ALK: variants seen among roughly 807,000 people sequenced by gnomAD.
ALK encodes ALK tyrosine kinase receptor.
ALK carries 74 observed loss-of-function variants against 163.1 expected under a neutral mutation model. That is an observed-to-expected ratio of 0.45 (90% CI 0.38 to 0.55). The LOEUF is 0.55. Ranked by LOEUF, ALK falls within the 20% of genes least tolerant of loss-of-function variation. The probability of loss-of-function intolerance (pLI) is 0.00; values close to 1 mark genes in which losing one functional copy is unlikely to be tolerated. For synonymous variants in ALK, 960 were observed against 843.2 expected (o/e 1.14, Z -2.40); for missense variants, 2,063 against 2,105.3 (o/e 0.98, Z 0.39).
At chr2:29,244,816 C>A (rs562171985) in intron 12 of ALK, among the ~76,000 whole-genome samples, 1 of 152,348 alleles carries the variant, frequency 6.6e-6, no homozygotes, top group African/African-American at 2.4e-5. Flanking sequence ...ATTAATCATG[C>A]CTGTGATATC....
chr2:29,317,834 T>C (rs1666879735), intron 8 of ALK, among the ~76,000 whole-genome samples: 1 of 152,094 alleles, frequency 6.6e-6, no homozygotes, highest in Non-Finnish European at 1.5e-5. Flanking sequence ...ACCAATGAGA[T>C]AACAGCATCA....
chr2:29,615,417 T>C (rs1675813857), intron 3 of ALK, among the ~76,000 whole-genome samples: 1 of 152,218 alleles, frequency 6.6e-6, no homozygotes, highest in Non-Finnish European at 1.5e-5. Context: ...TGGTTTAACC[T>C]GTCTGTGCTG....
At chr2:29,910,015 A>G (rs1302848445) in intron 1 of ALK, among the ~76,000 whole-genome samples, 1 of 152,058 alleles carries the variant, frequency 6.6e-6, no homozygotes, top group Non-Finnish European at 1.5e-5. Context: ...AGGTATGCAA[A>G]GAAGCAGGAA....
intron 5 of ALK, among the ~76,000 whole-genome samples, chr2:29,382,840 T>C (rs187449404): frequency 6.6e-6 from 1 of 152,320 alleles, no homozygotes; most frequent in East Asian, 1.9e-4. Flanking sequence ...AAACCAGTTT[T>C]GATTAAACAA....
In ALK at chr2:29,920,683, C is replaced by A. The variant is rs2148444267; in HGVS notation, c.-24G>T. The A allele has an allele frequency of 6.5e-7, 1 of 1,528,628 alleles. No individual in the cohort carries two copies. Among genetic ancestry groups the A allele is most frequent in the Non-Finnish European group, 8.8e-7 (1 of 1,142,322 alleles). 94.7% of individuals were successfully genotyped at this position (1,528,628 alleles called of 1,614,324 possible). ...ATCCCGCCGGAGGAGGCCGTTTACA[C>A]TGCTCTCCGGGCCCAGCCTCACCCT... On this transcript the variant is annotated 5_prime_UTR_variant, in exon 1 of 29. Transcript: ENST00000389048.
intron 3 of ALK, among the ~76,000 whole-genome samples, chr2:29,619,563 T>C (rs1221670335): frequency 2.6e-5 from 4 of 152,076 alleles, no homozygotes; most frequent in Non-Finnish European, 1.5e-5. Context: ...ACTGACGACT[T>C]CCCAAATAGC....
At chr2:29,406,514 T>C (rs545457138) in intron 4 of ALK, among the ~76,000 whole-genome samples, 3 of 152,284 alleles carry the variant, frequency 2.0e-5, no homozygotes, top group East Asian at 1.9e-4. Context: ...TAGAAATGAA[T>C]AGAAGCTGAC....
In ALK at chr2:29,404,280, C is replaced by T. The variant is rs562129004; in HGVS notation, c.1155-20421G>A. On this transcript the variant is annotated intron_variant, in intron 4 of 28. Coordinates refer to ENST00000389048, the MANE Select transcript of ALK (RefSeq NM_004304.5). ...GATCATGCCACTGAACTCCAGCCTG[C>T]GTGACCCACGGAGCAAGACTCCGTC... Among the ~76,000 whole-genome samples, 5 of 141,258 alleles carry T rather than the reference C, an allele frequency of 3.5e-5. No individual in the cohort carries two copies. The East Asian group carries it at 6.6e-4, about 19-fold the overall frequency. The allele number at this position is 141,258 out of a possible 152,430, so 92.7% of individuals were successfully genotyped here. A position where few individuals can be genotyped will look rare whatever the true frequency, so the allele number is the denominator to read the frequency against.
chr2:29,714,837 GC>G (rs1679202254), intron 2 of ALK, among the ~76,000 whole-genome samples: 1 of 152,150 alleles, frequency 6.6e-6, no homozygotes, highest in South Asian at 2.1e-4. Context: ...AACTCAGCTG[GC>G]CTCTTTGATT....
chr2:29,329,542 G>A (rs1333587571), intron 5 of ALK, among the ~76,000 whole-genome samples: 1 of 152,184 alleles, frequency 6.6e-6, no homozygotes, highest in African/African-American at 2.4e-5. Context: ...GTCATAGCTG[G>A]TGCTAAACCC....
rs183033301 is a variant in ALK at position 29,595,098 on chromosome 2, T to C, written c.953-62982A>G. 8.8e-3 allele frequency among the ~76,000 whole-genome samples: 1,345 copies of C among 152,304 alleles called. 14 individuals carry two copies. Among genetic ancestry groups the C allele is most frequent in the South Asian group, 0.048 (231 of 4,824 alleles). ...AATCCTCCTCCCAGATGTCTTTTCA[T>C]TGTGATGCCAAGTAGACGAATATTT... On this transcript the variant is annotated intron_variant, in intron 3 of 28. Transcript: ENST00000389048.
At chr2:29,196,413 G>C (rs1669024253) in intron 28 of ALK, among the ~76,000 whole-genome samples, 2 of 152,058 alleles carry the variant, frequency 1.3e-5, no homozygotes, top group Admixed American at 1.3e-4. Flanking sequence ...TCTCCAGCCA[G>C]GCTCTAAACT....
chr2:29,600,288 A>C (rs772467120), intron 3 of ALK, among the ~76,000 whole-genome samples: 2 of 152,236 alleles, frequency 1.3e-5, no homozygotes, highest in Non-Finnish European at 2.9e-5. Context: ...CAGAAGTCAC[A>C]TGGGGAAACA....
intron 22 of ALK, chr2:29,221,079 G>A (rs541275701): frequency 7.6e-5 from 48 of 634,176 alleles, no homozygotes; most frequent in African/African-American, 7.2e-4. Flanking sequence ...GGAGCTGTGA[G>A]GATGTTGCTC....
intron 11 of ALK, among the ~76,000 whole-genome samples, chr2:29,256,127 G>A (rs1323579568): frequency 6.6e-6 from 1 of 152,224 alleles, no homozygotes; most frequent in African/African-American, 2.4e-5. Flanking sequence ...AAAGTGAGCA[G>A]GTCTAAAACC....
rs545071919 is a variant in ALK at position 29,728,163 on chromosome 2, G to T, written c.668-10466C>A. On this transcript the variant is annotated intron_variant, in intron 1 of 28. Transcript: ENST00000389048. ...AGAAAGAAACCAATACTTCATGTGT[G>T]CCTATTACACACGGTGCCCAGCACC... Among the ~76,000 whole-genome samples, 58 of 152,266 alleles carry T rather than the reference G, an allele frequency of 3.8e-4. 1 individual carries two copies. The highest frequency in any genetic ancestry group is 1.1e-3 in the African/African-American group (45 of 41,564).
chr2:29,908,895 C>T (rs778016851), intron 1 of ALK, among the ~76,000 whole-genome samples: 9 of 152,192 alleles, frequency 5.9e-5, no homozygotes, highest in African/African-American at 1.9e-4. Flanking sequence ...AGTTTGTGAA[C>T]TCCTGGGAGG....
chr2:29,288,967 T>TA (rs1665941544), intron 9 of ALK, among the ~76,000 whole-genome samples: 7 of 23,940 alleles, frequency 2.9e-4, no homozygotes, highest in Admixed American at 2.7e-3. Flanking sequence ...AATAAATAAA[T>TA]AAATAAATAA....
chr2:29,891,860 A>G (rs907936414), intron 1 of ALK, among the ~76,000 whole-genome samples: 3 of 152,186 alleles, frequency 2.0e-5, no homozygotes, highest in African/African-American at 7.2e-5. Flanking sequence ...CCTGACATCC[A>G]GCTTCTCTCT....
Sources: allele counts gnomAD v4.1 joint callset (sites outside exome capture counted in the v4.1 genomes callset), GRCh38; gene constraint gnomAD v4.1.1; transcripts MANE v1.5; gene names NCBI Gene and HGNC (gene_info 2026-07-23, HGNC 2026-07-21).